Variants in SHANK2 observed in about 807,000 individuals in gnomAD.
The protein encoded by SHANK2 is SH3 and multiple ankyrin repeat domains protein 2.
SHANK2 carries 43 observed loss-of-function variants against 133.7 expected under a neutral mutation model. The ratio of observed to expected loss-of-function variants is 0.32; its 90% confidence interval spans 0.25 to 0.41. The LOEUF (loss-of-function observed/expected upper bound fraction) is 0.41, where lower values mean the gene tolerates loss of function less well. Among genes scored for constraint, SHANK2 ranks in the 10% least tolerant of loss-of-function variants. The pLI is 1.00. For missense variants in SHANK2, 1,994 were observed against 2,235.8 expected, an observed-to-expected ratio of 0.89 and a Z score of 2.18; for synonymous variants, 1,017 against 952.8, an observed-to-expected ratio of 1.07 and a Z score of -1.24.
intron 2 of SHANK2, among the ~76,000 whole-genome samples, chr11:71,210,031 A>G (rs1218550611): frequency 1.3e-5 from 2 of 151,404 alleles, no homozygotes; most frequent in Non-Finnish European, 2.9e-5. Flanking sequence ...CAGATGCTCA[A>G]ACGAGTCCGT....
At chr11:71,085,885 CCTT>C (rs1951393666) in intron 8 of SHANK2, among the ~76,000 whole-genome samples, 2 of 518 alleles carry the variant, frequency 3.9e-3, no homozygotes, top group African/African-American at 4.7e-3. Flanking sequence ...ATTTATATAA[CCTT>C]AATATATATA....
intron 17 of SHANK2, among the ~76,000 whole-genome samples, chr11:70,598,829 A>G (rs2136306231): frequency 6.6e-6 from 1 of 152,262 alleles, no homozygotes; most frequent in African/African-American, 2.4e-5. Flanking sequence ...TGATACAAAA[A>G]AGGACTTGAG....
At chr11:70,619,668 C>T (rs1200404714) in intron 17 of SHANK2, among the ~76,000 whole-genome samples, 2 of 152,320 alleles carry the variant, frequency 1.3e-5, no homozygotes, top group South Asian at 2.1e-4. Context: ...CTGGGCTCTG[C>T]AGAGAGGCTG....
chr11:70,570,896 T>A (rs1415846927), intron 17 of SHANK2, among the ~76,000 whole-genome samples: 1 of 152,212 alleles, frequency 6.6e-6, no homozygotes, highest in Non-Finnish European at 1.5e-5. Flanking sequence ...TGGGTGGGGC[T>A]CTGAGAGTGG....
intron 5 of SHANK2, 35 bp downstream of exon 5, chr11:71,113,258 C>T (rs1555099747): frequency 1.3e-6 from 2 of 1,537,096 alleles, no homozygotes; most frequent in Admixed American, 3.9e-5. Flanking sequence ...ACGCCGCCTG[C>T]CTAACGTGTA....
At chr11:70,615,183 G>A (rs1381647299) in intron 17 of SHANK2, among the ~76,000 whole-genome samples, 1 of 152,132 alleles carries the variant, frequency 6.6e-6, no homozygotes, top group Non-Finnish European at 1.5e-5. Context: ...AGAACAGTGG[G>A]TGGGCCTAGA....
chr11:70,656,019 C>T (rs1211046054), intron 17 of SHANK2, among the ~76,000 whole-genome samples: 1 of 152,168 alleles, frequency 6.6e-6, no homozygotes, highest in African/African-American at 2.4e-5. Context: ...GCATGACATC[C>T]AAGTGGCGTC....
chr11:70,550,424 T>A (rs1012642010), intron 17 of SHANK2, among the ~76,000 whole-genome samples: 1 of 152,100 alleles, frequency 6.6e-6, no homozygotes, highest in African/African-American at 2.4e-5. Flanking sequence ...GGGGATGCTC[T>A]TCGGTTTTTG....
At chr11:71,057,651 G>C (rs1239239444) in intron 9 of SHANK2, among the ~76,000 whole-genome samples, 1 of 151,978 alleles carries the variant, frequency 6.6e-6, no homozygotes, top group Non-Finnish European at 1.5e-5. Context: ...TTGGGCTCAG[G>C]CAATTCTCCC....
intron 2 of SHANK2, among the ~76,000 whole-genome samples, chr11:71,223,841 G>A (rs1954597607): frequency 6.6e-6 from 1 of 152,212 alleles, no homozygotes; most frequent in African/African-American, 2.4e-5. Flanking sequence ...GGAAGCGCCT[G>A]CACCACTCAT....
intron 17 of SHANK2, among the ~76,000 whole-genome samples, chr11:70,633,166 T>C (rs2061022953): frequency 6.7e-6 from 1 of 149,504 alleles, no homozygotes; most frequent in Non-Finnish European, 1.5e-5. Context: ...AACATATTTA[T>C]ACATATATTC....
Position 70,568,653 on chromosome 11 carries a change from C to A in SHANK2, c.2062-65722G>T, listed in dbSNP as rs1409476008. ...TGTGGGCAGCGGATTCCTGCCCCCC[C>A]CGCCCACTTCCTCCCGGCCGGGAGC... On this transcript the variant is annotated intron_variant, in intron 17 of 25. Coordinates refer to ENST00000601538, the MANE Select transcript of SHANK2 (RefSeq NM_012309.5). Among the ~76,000 whole-genome samples the A allele has an allele frequency of 9.2e-5, 12 of 130,124 alleles. 1 individual carries two copies. Among genetic ancestry groups the A allele is most frequent in the Admixed American group, 2.2e-4 (3 of 13,346 alleles). The allele number at this position is 130,124 out of a possible 152,430, so 85.4% of individuals were successfully genotyped here. A position where few individuals can be genotyped will look rare whatever the true frequency, so the allele number is the denominator to read the frequency against.
At chr11:70,634,357 C>T (rs201709882) in intron 17 of SHANK2, 2 of 151,500 alleles carry the variant, frequency 1.3e-5, no homozygotes, top group Non-Finnish European at 2.9e-5. Context: ...TTCTTGGTAA[C>T]AAAAGCACAG....
intron 17 of SHANK2, among the ~76,000 whole-genome samples, chr11:70,521,251 C>T (rs560015777): frequency 6.6e-6 from 1 of 152,312 alleles, no homozygotes; most frequent in East Asian, 1.9e-4. Flanking sequence ...ATTTATTAAT[C>T]ATCTATCCAT....
intron 14 of SHANK2, among the ~76,000 whole-genome samples, chr11:70,708,280 T>C (rs1016237186): frequency 6.6e-6 from 1 of 152,022 alleles, no homozygotes. Flanking sequence ...CGGTGGCCCA[T>C]TTCTCCCGAT....
At chr11:70,638,176 A>G (rs2061130515) in intron 17 of SHANK2, among the ~76,000 whole-genome samples, 1 of 152,080 alleles carries the variant, frequency 6.6e-6, no homozygotes, top group Non-Finnish European at 1.5e-5. Flanking sequence ...TGCTCAGAGC[A>G]GGAGCTTAGA....
chr11:70,550,673 C>T (rs1554977720), intron 17 of SHANK2, among the ~76,000 whole-genome samples: 2 of 152,150 alleles, frequency 1.3e-5, no homozygotes, highest in Admixed American at 6.5e-5. Context: ...GAAGGTCCCA[C>T]GTGAAGGAGA....
intron 15 of SHANK2, among the ~76,000 whole-genome samples, chr11:70,673,243 G>A (rs375335585): frequency 2.0e-5 from 3 of 151,996 alleles, no homozygotes; most frequent in Non-Finnish European, 4.4e-5. Flanking sequence ...TAGCAGCAGG[G>A]CCAAGTCACA....
At chr11:70,695,667 T>C (rs1945377564) in intron 15 of SHANK2, among the ~76,000 whole-genome samples, 1 of 152,206 alleles carries the variant, frequency 6.6e-6, no homozygotes, top group Non-Finnish European at 1.5e-5. Flanking sequence ...GCTCATTAAC[T>C]TGGCCTTCCT....
Sources: allele counts gnomAD v4.1 joint callset (sites outside exome capture counted in the v4.1 genomes callset), GRCh38; gene constraint gnomAD v4.1.1; transcripts MANE v1.5; gene names NCBI Gene and HGNC (gene_info 2026-07-23, HGNC 2026-07-21).